The following KPNA2 variants were observed in gnomAD, a reference collection of about 807,000 sequenced individuals.
The protein encoded by KPNA2 is karyopherin subunit alpha 2, also known as importin subunit alpha-1.
A neutral mutation model predicts 53.7 loss-of-function variants in KPNA2; 20 were observed. The ratio of observed to expected loss-of-function variants is 0.37; its 90% CI spans 0.26 to 0.54. KPNA2 has a LOEUF of 0.54. Among genes scored for constraint, KPNA2 ranks in the 20% least tolerant of loss-of-function variants. The pLI, the probability that KPNA2 is intolerant of heterozygous loss-of-function variation, is 0.83. For synonymous variants in KPNA2, 238 were observed against 227.5 expected (o/e 1.05, Z -0.42); for missense variants, 515 against 640.3 (o/e 0.80, Z 2.11).
rs782494596 is a variant in KPNA2 at position 68,037,200 on chromosome 17, A to G, written c.68A>G (p.Asp23Gly). ...RLHRFKNKGK[D>G]STEMRRRRIE... Reference sequence around the variant, plus strand: ...CACAGATTCAAGAACAAGGGAAAAGACAGTACAGTGAGTACCTTCTGTTGC... The same window carrying G: ...CACAGATTCAAGAACAAGGGAAAAGGCAGTACAGTGAGTACCTTCTGTTGC... The change falls in exon 2 of 11, where the codon GAC (aspartate) becomes GGC (glycine). Residue 23 changes from aspartate to glycine, a missense_variant. Asp to Gly is a moderately conservative substitution (Grantham distance 94). Coordinates refer to ENST00000330459, the MANE Select transcript of KPNA2 (RefSeq NM_002266.4). The G allele has an allele frequency of 9.3e-6, 15 of 1,612,660 alleles. No individual in the cohort carries two copies. Among genetic ancestry groups the G allele is most frequent in the Non-Finnish European group, 1.3e-5 (15 of 1,178,996 alleles).
At chr17:68,041,818 G>T (rs2071263671) in intron 4 of KPNA2, among the ~76,000 whole-genome samples, 1 of 152,180 alleles carries the variant, frequency 6.6e-6, no homozygotes, top group Non-Finnish European at 1.5e-5. Flanking sequence ...AAAGTGACAA[G>T]ATCTGGAGTA....
rs559453330 is a variant in KPNA2 at position 68,039,694 on chromosome 17, C to T, written c.214-984C>T. Among the ~76,000 whole-genome samples, 18 of 151,084 alleles carry T rather than the reference C, an allele frequency of 1.2e-4. No individual in the cohort carries two copies. The South Asian group carries it at 3.4e-3, about 28-fold the overall frequency. On this transcript the variant is annotated intron_variant, in intron 3 of 10. Coordinates refer to ENST00000330459, the MANE Select transcript of KPNA2 (RefSeq NM_002266.4). ...ACTCAGGAGGCTGTGGCAGGAGAATCGCTTGAACCCGGGAGGTGGAGGCGG... is the reference window on the plus strand; with the variant it reads ...ACTCAGGAGGCTGTGGCAGGAGAATTGCTTGAACCCGGGAGGTGGAGGCGG...
At chr17:68,040,914 T>A (rs1555704497) in intron 4 of KPNA2, 148 bp downstream of exon 4, 1 of 560,094 alleles carries the variant, frequency 1.8e-6, no homozygotes, top group Non-Finnish European at 3.1e-6. Flanking sequence ...TTTTATTTAT[T>A]AATTTTTTTG....
At chr17:68,043,422 G>A (rs1017124276) in intron 7 of KPNA2, 59 bp downstream of exon 7, 25 of 1,524,306 alleles carry the variant, frequency 1.6e-5, no homozygotes, top group African/African-American at 6.8e-5. Flanking sequence ...AGGGCTGGGC[G>A]TGGTAGTGGT....
rs2071250646 is a variant in KPNA2, at chr17:68,040,776, G to A, written c.302+10G>A. The A allele has an allele frequency of 1.9e-6, 3 of 1,562,952 alleles. No homozygotes were observed. The highest frequency in any genetic ancestry group is 2.3e-5 in the East Asian group (1 of 43,954). On this transcript the variant is annotated intron_variant, in intron 4 of 10. Coordinates refer to ENST00000330459, the MANE Select transcript of KPNA2 (RefSeq NM_002266.4). ...CTACTCAAGCTGCCAGGTAAGTCTT[G>A]TCTGCGATAGCATGGGTAGCCTAAG... is the stretch of plus-strand genomic sequence containing the variant.
At chr17:68,044,592 T>A (rs1170701170) in intron 9 of KPNA2, 89 bp downstream of exon 9, 2 of 988,330 alleles carry the variant, frequency 2.0e-6, no homozygotes, top group Middle Eastern at 2.2e-4. Context: ...GCTGTAAGTT[T>A]ACTCACTAGT....
intron 9 of KPNA2, among the ~76,000 whole-genome samples, chr17:68,045,093 A>G (rs1472448522): frequency 1.3e-4 from 19 of 146,234 alleles, no homozygotes; most frequent in Admixed American, 1.1e-3. Flanking sequence ...ACTGTCTTAA[A>G]AAAAAAAAAA....
At chr17:68,041,944 C>T (rs926869338) in intron 4 of KPNA2, 141 bp from the exon 5 acceptor site, 2 of 694,868 alleles carry the variant, frequency 2.9e-6, no homozygotes, top group African/African-American at 3.6e-5. Flanking sequence ...TCTTAGGTTC[C>T]AGAATGTCTC....
rs782221737 is a variant in KPNA2 at position 68,043,850 on chromosome 17, A to C, written c.943A>C (p.Arg315=). ...SELPIVTPAL[R]AIGNIVTGTD... is the part of the protein sequence containing the mutation. ...TTTTTTTTTTCAGACTCCTGCCCTA[A>C]GAGCCATAGGGAATATTGTCACTGG... Residue 315 remains arginine, a synonymous_variant, in exon 8 of 11, where the codon AGA becomes CGA. Transcript: ENST00000330459. The C allele has an allele frequency of 5.0e-6, 8 of 1,599,584 alleles. No individual in the cohort carries two copies. The highest frequency in any genetic ancestry group is 8.6e-7 in the Non-Finnish European group (1 of 1,167,026).
Position 68,042,163 on chromosome 17 carries a change from C to T in KPNA2, c.381C>T (p.Phe127=). 6.2e-7 allele frequency: 1 copy of T among 1,613,984 alleles called. No individual in the cohort carries two copies. The highest frequency in any genetic ancestry group is 2.2e-5 in the East Asian group (1 of 44,880). Residue 127 remains phenylalanine, a synonymous_variant, in exon 5 of 11, where the codon TTC becomes TTT. Coordinates refer to ENST00000330459, the MANE Select transcript of KPNA2 (RefSeq NM_002266.4). ...GTTTGATTCCGAAATTTGTGTCCTT[C>T]TTGGGCAGAACTGATTGTAGTCCCA... ...RAGLIPKFVS[F]LGRTDCSPIQ... is the part of the protein sequence containing the mutation.
At chr17:68,038,998 G>A (rs1380684164) in intron 3 of KPNA2, among the ~76,000 whole-genome samples, 2 of 143,964 alleles carry the variant, frequency 1.4e-5, no homozygotes, top group East Asian at 3.4e-4. Flanking sequence ...CTGGGTGACA[G>A]TGAGACCCTG....
At chr17:68,042,754 C>T (rs1030271179) in intron 5 of KPNA2, 151 bp from the exon 6 acceptor site, 6 of 667,474 alleles carry the variant, frequency 9.0e-6, no homozygotes, top group Admixed American at 2.5e-5. Context: ...TGGCGGCGGG[C>T]GCCTGAGGCT....
Position 68,042,147 on chromosome 17 carries a change from C to T in KPNA2, c.365C>T (p.Pro122Leu), listed in dbSNP as rs782552934. The stretch of plus-strand genomic sequence containing the variant: ...AACATAATCCGGGCTGGTTTGATTC[C>T]GAAATTTGTGTCCTTCTTGGGCAGA... The part of the protein sequence containing the change: ...IDNIIRAGLI[P>L]KFVSFLGRTD... The change falls in exon 5 of 11, where the codon CCG becomes CTG. Residue 122 changes from proline (P) to leucine (L), a missense_variant. Pro to Leu is a moderately conservative substitution (Grantham distance 98, BLOSUM62 -3). Coordinates refer to ENST00000330459, the MANE Select transcript of KPNA2 (RefSeq NM_002266.4). 20 of 1,613,824 alleles carry T rather than the reference C, an allele frequency of 1.2e-5. No homozygotes were observed. Among genetic ancestry groups the T allele is most frequent in the East Asian group, 6.7e-5 (3 of 44,898 alleles).
At chr17:68,042,394 C>T (rs782433410) in intron 5 of KPNA2, 41 bp downstream of exon 5, 22 of 1,590,460 alleles carry the variant, frequency 1.4e-5, no homozygotes, top group South Asian at 9.0e-5. Flanking sequence ...TGTATCTAAT[C>T]GTAATTAGTT....
intron 3 of KPNA2, among the ~76,000 whole-genome samples, chr17:68,038,269 G>C (rs2071214521): frequency 6.6e-6 from 1 of 151,972 alleles, no homozygotes; most frequent in South Asian, 2.1e-4. Context: ...GCCACTGCCC[G>C]GCCTGTTTTT....
intron 2 of KPNA2, 45 bp from the exon 3 acceptor site, chr17:68,037,313 A>G (rs1445513187): frequency 6.3e-7 from 1 of 1,594,730 alleles, no homozygotes; most frequent in African/African-American, 1.4e-5. Flanking sequence ...ACTTAGCAAC[A>G]AAAACTGGTG....
At chr17:68,038,894 AGT>A (rs1455911332) in intron 3 of KPNA2, among the ~76,000 whole-genome samples, 1 of 152,020 alleles carries the variant, frequency 6.6e-6, no homozygotes, top group Non-Finnish European at 1.5e-5. Flanking sequence ...GCCGGCCTTT[AGT>A]CCTAGGTATT....
Position 68,042,221 on chromosome 17 carries a change from A to C in KPNA2, c.439A>C (p.Ile147Leu). 2 of 1,614,106 alleles carry C rather than the reference A, an allele frequency of 1.2e-6. No homozygotes were observed. Among genetic ancestry groups the C allele is most frequent in the Non-Finnish European group, 1.7e-6 (2 of 1,179,992 alleles). ...TGAATCTGCTTGGGCACTCACTAAC[A>C]TTGCTTCTGGGACATCAGAACAAAC... ...QFESAWALTN[I>L]ASGTSEQTKA... The change falls in exon 5 of 11, where the codon ATT becomes CTT. Residue 147 changes from isoleucine (I) to leucine (L), a missense_variant. Physicochemically the swap from Ile to Leu is conservative, Grantham distance 5. Transcript: ENST00000330459.
intron 4 of KPNA2, among the ~76,000 whole-genome samples, chr17:68,041,478 G>C (rs62084694): frequency 4.6e-5 from 7 of 152,240 alleles, no homozygotes; most frequent in African/African-American, 1.7e-4. Context: ...ATAATCACTT[G>C]AACCCAGCAG....
Sources: gnomAD v4.1 joint callset for allele counts (sites outside exome capture counted in the v4.1 genomes callset) on GRCh38, gnomAD v4.1.1 for gene constraint, MANE v1.5 for transcripts, NCBI Gene and HGNC (gene_info 2026-07-23, HGNC 2026-07-21) for gene names.